Variants in CHST10 observed in about 807,000 individuals in gnomAD.
The protein encoded by CHST10 is HNK-1 sulfotransferase.
In CHST10, 24 loss-of-function variants were observed where a neutral mutation model predicts 34.7. The ratio of observed to expected loss-of-function variants is 0.69; its 90% CI spans 0.50 to 0.97. The LOEUF (loss-of-function observed/expected upper bound fraction) is 0.97. CHST10 is among the 50% of genes least tolerant of loss of function. The pLI is 0.00. For synonymous variants in CHST10, 161 were observed against 169.3 expected (o/e 0.95, Z 0.38); for missense variants, 402 against 452.1 (o/e 0.89, Z 1.00).
At chr2:100,414,976 A>G in intron 2 of CHST10, 65 bp downstream of exon 2, 1 of 1,143,228 alleles carries the variant, frequency 8.7e-7, no homozygotes, top group Non-Finnish European at 1.2e-6. Context: ...GGCAAGAAAA[A>G]AGGCAGGAAC....
At position 100,415,025 on chromosome 2, in the gene CHST10, A is replaced by G. The variant is rs1173350129; in HGVS notation, c.-33+16T>C. The G allele has an allele frequency of 7.7e-7, 1 of 1,300,794 alleles. No homozygotes were observed. Among genetic ancestry groups the G allele is most frequent in the Non-Finnish European group, 1.0e-6 (1 of 987,240 alleles). 80.6% of individuals were successfully genotyped at this position (1,300,794 alleles called of 1,614,324 possible). On this transcript the variant is annotated intron_variant, in intron 2 of 6. Coordinates refer to ENST00000264249, the MANE Select transcript of CHST10 (RefSeq NM_004854.5). ...ATGCTCAAATAACTGATGAGCTCAC[A>G]TTCTCCTTCACGTACCTTCTGCAGC...
rs57227647 is a variant in CHST10 at position 100,395,606 on chromosome 2, A to G, written c.436T>C (p.Ser146Pro). Reference sequence around the variant, plus strand: ...TTTTCGGGGATCTCCTCAATGGAAGAAAATGCTCCTGGGAAGTAAACGGAA... The same window carrying G: ...TTTTCGGGGATCTCCTCAATGGAAGGAAATGCTCCTGGGAAGTAAACGGAA... The part of the protein sequence containing the change: ...KVLIVLNGAF[S>P]SIEEIPENVV... Residue 146 changes from serine (S) to proline (P), a missense_variant, in exon 6 of 7, where the codon TCT becomes CCT. Physicochemically the swap from Ser to Pro is moderately conservative, Grantham distance 74. Coordinates refer to ENST00000264249, the MANE Select transcript of CHST10 (RefSeq NM_004854.5). 5.7e-3 allele frequency: 9,196 copies of G among 1,613,524 alleles called. 348 individuals carry two copies. In the African/African-American group the frequency reaches 0.092, roughly 16 times the overall value.
intron 5 of CHST10, among the ~76,000 whole-genome samples, chr2:100,395,853 G>A (rs1444912072): frequency 3.3e-5 from 5 of 152,208 alleles, no homozygotes; most frequent in Admixed American, 3.3e-4. Context: ...TGATTTCAGG[G>A]AGGAGGGGGA....
chr2:100,403,540 C>A (rs963943499), intron 3 of CHST10, among the ~76,000 whole-genome samples: 2 of 152,156 alleles, frequency 1.3e-5, no homozygotes, highest in Non-Finnish European at 2.9e-5. Context: ...CAACTCACGA[C>A]AACCATGCTC....
At chr2:100,401,345 A>G (rs1004311539) in intron 4 of CHST10, among the ~76,000 whole-genome samples, 1 of 152,164 alleles carries the variant, frequency 6.6e-6, no homozygotes, top group Non-Finnish European at 1.5e-5. Flanking sequence ...AGTAAAGTAC[A>G]CTGCAAACTG....
chr2:100,397,887 A>G, intron 5 of CHST10, 21 bp downstream of exon 5: 2 of 1,583,648 alleles, frequency 1.3e-6, no homozygotes, highest in Non-Finnish European at 1.7e-6. Context: ...CCCAGTGGAC[A>G]TTCAGTAGAC....
chr2:100,412,290 C>A (rs552730845), intron 2 of CHST10, among the ~76,000 whole-genome samples: 4 of 152,142 alleles, frequency 2.6e-5, no homozygotes, highest in Non-Finnish European at 5.9e-5. Context: ...GGATGAGCTA[C>A]GAGGATCCAC....
In CHST10 at chr2:100,409,239, T is replaced by C. The variant is rs567003509; in HGVS notation, c.-32-2532A>G. Among the ~76,000 whole-genome samples, 12 of 152,210 alleles carry C rather than the reference T, an allele frequency of 7.9e-5. No individual in the cohort carries two copies. The East Asian group carries it at 2.1e-3, about 27-fold the overall frequency. Reference sequence around the variant, plus strand: ...TAGTTTAAGAATCAAATCTTTCCAATGGAACTAGTCTTCTGAAGGAATGTA... The same window carrying C: ...TAGTTTAAGAATCAAATCTTTCCAACGGAACTAGTCTTCTGAAGGAATGTA... On this transcript the variant is annotated intron_variant, in intron 2 of 6. Transcript: ENST00000264249.
intron 3 of CHST10, 62 bp from the exon 4 acceptor site, chr2:100,402,717 A>G: frequency 1.4e-6 from 2 of 1,386,398 alleles, no homozygotes; most frequent in Non-Finnish European, 2.0e-6. Context: ...TGGATGGGAC[A>G]GAACAGAGGC....
At position 100,415,128 on chromosome 2, in the gene CHST10, A is replaced by T; in HGVS notation, c.-103-17T>A. ...CTCTTGTCACTGGATAGGAAAATTA[A>T]AAAAAAAAAAGCATTATTAAAAGTT... On this transcript the variant is annotated splice_polypyrimidine_tract_variant and intron_variant, in intron 1 of 6. Coordinates refer to ENST00000264249, the MANE Select transcript of CHST10 (RefSeq NM_004854.5). 3 of 1,176,882 alleles carry T rather than the reference A, an allele frequency of 2.5e-6. No homozygotes were observed. Among genetic ancestry groups the T allele is most frequent in the African/African-American group, 3.3e-5 (2 of 61,446 alleles). The allele number at this position is 1,176,882 out of a possible 1,614,324, so 72.9% of individuals were successfully genotyped here.
chr2:100,410,321 C>G (rs1014170029), intron 2 of CHST10, among the ~76,000 whole-genome samples: 2 of 152,238 alleles, frequency 1.3e-5, no homozygotes, highest in Non-Finnish European at 2.9e-5. Flanking sequence ...GTGGCACCCC[C>G]AGCACCGCTC....
chr2:100,406,997 C>T (rs772146415), intron 2 of CHST10, among the ~76,000 whole-genome samples: 2 of 152,188 alleles, frequency 1.3e-5, no homozygotes, highest in Non-Finnish European at 2.9e-5. Flanking sequence ...GACTCCTTTG[C>T]ACATTTGATC....
rs986275338 is a variant in CHST10, at chr2:100,404,240, T to TCACTGCA, written c.101-1592_101-1586dup. On this transcript the variant is annotated intron_variant, in intron 3 of 6. Coordinates refer to ENST00000264249, the MANE Select transcript of CHST10 (RefSeq NM_004854.5). ...CCACAACAGAAGATTCTCACTGAGT[T>TCACTGCA]CACTGCACACTGTGCGGCCAACAGC... Among the ~76,000 whole-genome samples, 2 of 152,140 alleles carry TCACTGCA rather than the reference T, an allele frequency of 1.3e-5. 1 individual carries two copies. The highest frequency in any genetic ancestry group is 2.9e-5 in the Non-Finnish European group (2 of 68,022).
intron 4 of CHST10, among the ~76,000 whole-genome samples, chr2:100,398,515 C>T (rs1472543469): frequency 1.3e-5 from 2 of 152,122 alleles, no homozygotes; most frequent in Non-Finnish European, 2.9e-5. Flanking sequence ...ATCAGCCTGG[C>T]CAAGATAGTA....
chr2:100,417,309 C>A (rs1676108092), intron 1 of CHST10, 65 bp downstream of exon 1: 1 of 345,940 alleles, frequency 2.9e-6, no homozygotes, highest in South Asian at 2.2e-5. Context: ...TTTTTCCGTG[C>A]GCCCCGCGGC....
At position 100,393,200 on chromosome 2, in the gene CHST10, A is replaced by G. The variant is rs372108443; in HGVS notation, c.*45T>C. 2.5e-6 allele frequency: 4 copies of G among 1,574,988 alleles called. No individual in the cohort carries two copies. Among genetic ancestry groups the G allele is most frequent in the Non-Finnish European group, 3.5e-6 (4 of 1,152,204 alleles). ...TCTGGGCTCAGATCTTCACCTGGTT[A>G]GCCCCAGGTCTAATAAAGATATTTG... On this transcript the variant is annotated 3_prime_UTR_variant, in exon 7 of 7. Transcript: ENST00000264249.
chr2:100,407,432 T>G (rs1422079950), intron 2 of CHST10, among the ~76,000 whole-genome samples: 1 of 152,156 alleles, frequency 6.6e-6, no homozygotes, highest in Non-Finnish European at 1.5e-5. Flanking sequence ...CACAAGAAAG[T>G]GTGTTTCATT....
At chr2:100,399,126 C>T (rs554129337) in intron 4 of CHST10, among the ~76,000 whole-genome samples, 26 of 147,112 alleles carry the variant, frequency 1.8e-4, no homozygotes, top group African/African-American at 4.2e-4. Context: ...TTTTATGAGA[C>T]GGAGTCTCGT....
chr2:100,408,367 A>T (rs955581320), intron 2 of CHST10: 4 of 152,078 alleles, frequency 2.6e-5, no homozygotes, highest in Admixed American at 6.5e-5. Flanking sequence ...AGGCACAAAG[A>T]ACCCCAGACT....
Sources: gnomAD v4.1 joint callset for allele counts (sites outside exome capture counted in the v4.1 genomes callset) on GRCh38, gnomAD v4.1.1 for gene constraint, MANE v1.5 for transcripts, NCBI Gene and HGNC (gene_info 2026-07-23, HGNC 2026-07-21) for gene names.